The following CRPPA variants were observed in gnomAD, a reference collection of about 807,000 sequenced individuals.
The protein encoded by CRPPA is D-ribitol-5-phosphate cytidylyltransferase.
A neutral mutation model predicts 52.0 loss-of-function variants in CRPPA; 43 were observed. That is an observed-to-expected ratio of 0.83 (90% CI 0.65 to 1.07). CRPPA has a LOEUF of 1.07. Ranked by LOEUF, CRPPA falls within the 50% of genes least tolerant of loss-of-function variation. CRPPA has a pLI of 0.00. For synonymous variants in CRPPA, 250 were observed against 203.5 expected, an observed-to-expected ratio of 1.23 and a Z score of -1.94; for missense variants, 629 against 551.7, an observed-to-expected ratio of 1.14 and a Z score of -1.40.
At position 16,087,800 on chromosome 7, in the gene CRPPA, T is replaced by C. The variant is rs1379011971; in HGVS notation, c.*3895A>G. On this transcript the variant is annotated 3_prime_UTR_variant, in exon 10 of 10. Coordinates refer to ENST00000407010, the MANE Select transcript of CRPPA (RefSeq NM_001101426.4). ...TTCAAATTAAACTTTCTAAATAACT[T>C]CTATCTTTCTTCTTGCATATGGTTG... 6.6e-6 allele frequency: 1 copy of C among 152,120 alleles called. No individual in the cohort carries two copies. Among genetic ancestry groups the C allele is most frequent in the Admixed American group, 6.6e-5 (1 of 15,264 alleles). The allele number at this position is 152,120 out of a possible 1,614,324, so 9.4% of individuals were successfully genotyped here.
In CRPPA at chr7:16,308,646, C is replaced by A. The variant is rs1343321401; in HGVS notation, c.685-19G>T. ...CACTACACTGGTGTGGAAACAACAA[C>A]AACAACAATTAAGCTAAAATGCGAT... On this transcript the variant is annotated intron_variant, in intron 3 of 9. Coordinates refer to ENST00000407010, the MANE Select transcript of CRPPA (RefSeq NM_001101426.4). 1.5e-5 allele frequency: 20 copies of A among 1,377,364 alleles called. No individual in the cohort carries two copies. Among genetic ancestry groups the A allele is most frequent in the Non-Finnish European group, 2.1e-5 (20 of 971,062 alleles). 85.3% of individuals were successfully genotyped at this position (1,377,364 alleles called of 1,614,324 possible). A position where few individuals can be genotyped will look rare whatever the true frequency, so the allele number is the denominator to read the frequency against.
chr7:16,158,039 T>A (rs192167424), intron 9 of CRPPA, among the ~76,000 whole-genome samples: 4,612 of 150,224 alleles, frequency 0.031, 101 homozygotes, highest in Middle Eastern at 0.051. Flanking sequence ...CACGCCCAGC[T>A]AATTTTTTTT....
intron 2 of CRPPA, among the ~76,000 whole-genome samples, chr7:16,400,161 C>A (rs1787769233): frequency 6.6e-6 from 1 of 152,016 alleles, no homozygotes; most frequent in African/African-American, 2.4e-5. Context: ...ACATGATTGA[C>A]GTGATGACAC....
chr7:16,406,346 A>G lies in CRPPA; in HGVS notation c.258-9T>C, dbSNP rs756488642. The G allele has an allele frequency of 6.2e-7, 1 of 1,610,274 alleles. No homozygotes were observed. The highest frequency in any genetic ancestry group is 1.1e-5 in the South Asian group (1 of 90,808). ...CCTTTATCCAACATACTCTAAAAGG[A>G]AAGTATATGTACAATTCGTAAATTA... On this transcript the variant is annotated splice_polypyrimidine_tract_variant and intron_variant, in intron 1 of 9. Transcript: ENST00000407010.
intron 9 of CRPPA, among the ~76,000 whole-genome samples, chr7:16,215,458 T>C (rs184898540): frequency 6.6e-6 from 1 of 152,224 alleles, no homozygotes; most frequent in East Asian, 1.9e-4. Context: ...GGTAGCTCAT[T>C]GTGCTTTCAG....
At chr7:16,308,282 A>G (rs1265560701) in intron 4 of CRPPA, among the ~76,000 whole-genome samples, 1 of 152,164 alleles carries the variant, frequency 6.6e-6, no homozygotes, top group Non-Finnish European at 1.5e-5. Context: ...TACAGAGAGG[A>G]AGAAAAAGAA....
intron 4 of CRPPA, among the ~76,000 whole-genome samples, chr7:16,302,815 T>C (rs1784818629): frequency 6.6e-6 from 1 of 151,202 alleles, no homozygotes; most frequent in Non-Finnish European, 1.5e-5. Flanking sequence ...TGAAGTTCTT[T>C]CTCATCACTA....
At chr7:16,216,738 TA>T (rs1782330300) in intron 8 of CRPPA, among the ~76,000 whole-genome samples, 1 of 151,578 alleles carries the variant, frequency 6.6e-6, no homozygotes, top group Non-Finnish European at 1.5e-5. Context: ...CGGACCAGCT[TA>T]AAAAACGGCG....
chr7:16,296,690 G>A (rs1430313547), intron 5 of CRPPA, among the ~76,000 whole-genome samples: 2 of 151,366 alleles, frequency 1.3e-5, no homozygotes, highest in Non-Finnish European at 2.9e-5. Flanking sequence ...TCAACTACCA[G>A]AACTAACAAC....
intron 3 of CRPPA, among the ~76,000 whole-genome samples, chr7:16,316,601 C>A (rs932332271): frequency 1.1e-4 from 16 of 152,036 alleles, no homozygotes; most frequent in Non-Finnish European, 2.9e-5. Context: ...GTGTTTCATG[C>A]CTGTAATCTC....
chr7:16,342,782 A>AAAAAAAAAAAAAAAAAT (rs1554335212), intron 3 of CRPPA, among the ~76,000 whole-genome samples: 3 of 76,504 alleles, frequency 3.9e-5, no homozygotes, highest in Non-Finnish European at 8.3e-5. Context: ...AAAAAAAAAA[A>AAAAAAAAAAAAAAAAAT]ATATATATAT....
intron 8 of CRPPA, among the ~76,000 whole-genome samples, chr7:16,233,086 AT>A (rs1433464521): frequency 3.9e-5 from 6 of 152,104 alleles, no homozygotes; most frequent in Non-Finnish European, 7.4e-5. Flanking sequence ...AGAAAATTTG[AT>A]ATTAAAGATT....
At chr7:16,374,166 A>G (rs1391861082) in intron 3 of CRPPA, among the ~76,000 whole-genome samples, 2 of 152,162 alleles carry the variant, frequency 1.3e-5, no homozygotes, top group African/African-American at 4.8e-5. Context: ...CCCACCTTCA[A>G]TGTGGGTGGG....
At chr7:16,267,425 T>A (rs138745385) in intron 6 of CRPPA, among the ~76,000 whole-genome samples, 15 of 152,358 alleles carry the variant, frequency 9.8e-5, no homozygotes, top group Admixed American at 2.0e-4. Flanking sequence ...CAGTTGATAC[T>A]GATATAACTG....
intron 1 of CRPPA, among the ~76,000 whole-genome samples, chr7:16,411,008 C>T (rs372804476): frequency 2.4e-4 from 36 of 152,270 alleles, no homozygotes; most frequent in African/African-American, 6.5e-4. Flanking sequence ...CTTTATCTTC[C>T]TCACTAGGCT....
intron 3 of CRPPA, among the ~76,000 whole-genome samples, chr7:16,330,099 C>A (rs982750438): frequency 6.6e-6 from 1 of 152,150 alleles, no homozygotes; most frequent in African/African-American, 2.4e-5. Context: ...GAAATGTATT[C>A]ATTCATTACA....
At chr7:16,317,024 T>C (rs1344466444) in intron 3 of CRPPA, among the ~76,000 whole-genome samples, 2 of 152,190 alleles carry the variant, frequency 1.3e-5, no homozygotes, top group Non-Finnish European at 2.9e-5. Context: ...CTAATAGTAA[T>C]TTAAAGCAAT....
intron 9 of CRPPA, among the ~76,000 whole-genome samples, chr7:16,206,651 C>T (rs543881281): frequency 1.4e-4 from 22 of 152,056 alleles, no homozygotes; most frequent in Non-Finnish European, 1.5e-4. Flanking sequence ...CTCTGTGGTA[C>T]TCTTTTTGAA....
intron 9 of CRPPA, among the ~76,000 whole-genome samples, chr7:16,160,158 C>A (rs1783272686): frequency 6.6e-6 from 1 of 152,140 alleles, no homozygotes; most frequent in Admixed American, 6.6e-5. Flanking sequence ...TGTGCAGAAG[C>A]TCTTTGGTTT....
Sources: gnomAD v4.1 joint callset for allele counts (sites outside exome capture counted in the v4.1 genomes callset) on GRCh38, gnomAD v4.1.1 for gene constraint, MANE v1.5 for transcripts, NCBI Gene and HGNC (gene_info 2026-07-23, HGNC 2026-07-21) for gene names.